The following PLCB4 variants were observed in gnomAD, a reference collection of about 807,000 sequenced individuals.
The protein encoded by PLCB4 is phospholipase C beta 4, also known as 1-phosphatidylinositol 4,5-bisphosphate phosphodiesterase beta-4.
PLCB4 carries 77 observed loss-of-function variants against 178.8 expected under a neutral mutation model. The observed-to-expected ratio is 0.43, with a 90% CI of 0.36 to 0.52. The LOEUF (loss-of-function observed/expected upper bound fraction) is 0.52. PLCB4 is among the 20% of genes least tolerant of loss of function. The pLI, the probability that PLCB4 is intolerant of heterozygous loss-of-function variation, is 0.00. For missense variants in PLCB4, 1,024 were observed against 1,453.4 expected (o/e 0.70, Z 4.80); for synonymous variants, 496 against 490.8 (o/e 1.01, Z -0.14).
chr20:9,352,218 C>G (rs943644000), intron 7 of PLCB4, among the ~76,000 whole-genome samples: 2 of 152,124 alleles, frequency 1.3e-5, no homozygotes, highest in Non-Finnish European at 2.9e-5. Context: ...CTTTCAGGCA[C>G]TAAAGAACAT....
chr20:9,417,855 T>C (rs553774532), intron 25 of PLCB4, among the ~76,000 whole-genome samples: 5 of 152,164 alleles, frequency 3.3e-5, no homozygotes, highest in African/African-American at 1.2e-4. Context: ...CACATCCTTG[T>C]CAACACTTAT....
At chr20:9,443,663 C>T (rs1250014779) in intron 30 of PLCB4, among the ~76,000 whole-genome samples, 2 of 152,090 alleles carry the variant, frequency 1.3e-5, no homozygotes, top group African/African-American at 2.4e-5. Context: ...GAAACACACC[C>T]TACCTTGTTC....
chr20:9,315,661 G>A (rs896259379), intron 4 of PLCB4, among the ~76,000 whole-genome samples: 8 of 152,086 alleles, frequency 5.3e-5, no homozygotes, highest in South Asian at 2.1e-4. Context: ...GGCCAGGTGC[G>A]GTGGCTCACA....
intron 32 of PLCB4, among the ~76,000 whole-genome samples, chr20:9,451,124 G>C (rs1369410896): frequency 2.6e-5 from 4 of 152,140 alleles, no homozygotes; most frequent in Admixed American, 6.6e-5. Context: ...CTTTGTACCA[G>C]GCTTTGTGCC....
At position 9,408,809 on chromosome 20, in the gene PLCB4, G is replaced by A. The variant is rs180890687; in HGVS notation, c.1874+92G>A. 1.8e-5 allele frequency: 13 copies of A among 741,480 alleles called. No homozygotes were observed. In the African/African-American group the frequency reaches 2.3e-4, roughly 13 times the overall value. The allele number at this position is 741,480 out of a possible 1,614,324, so 45.9% of individuals were successfully genotyped here. On this transcript the variant is annotated intron_variant, in intron 23 of 39. Transcript: ENST00000378473. ...GATAAATGGCTAATATCTCATTCTGGTGGTGGAGTTCATAAAATGATATGT... is the reference window on the plus strand; with the variant it reads ...GATAAATGGCTAATATCTCATTCTGATGGTGGAGTTCATAAAATGATATGT...
intron 2 of PLCB4, among the ~76,000 whole-genome samples, chr20:9,105,367 G>T (rs528545222): frequency 6.6e-6 from 1 of 152,168 alleles, no homozygotes; most frequent in South Asian, 2.1e-4. Flanking sequence ...GAGATTCTTT[G>T]TTCTTGGAAA....
intron 2 of PLCB4, among the ~76,000 whole-genome samples, chr20:9,132,702 A>T (rs773602332): frequency 3.3e-5 from 5 of 152,128 alleles, no homozygotes; most frequent in African/African-American, 1.2e-4. Context: ...GATGCCCACC[A>T]CTGCATTTCA....
At chr20:9,204,585 A>G (rs1278946373) in intron 2 of PLCB4, among the ~76,000 whole-genome samples, 2 of 151,038 alleles carry the variant, frequency 1.3e-5, no homozygotes, top group Admixed American at 6.6e-5. Context: ...CTGGTCTTGA[A>G]CTCCTGACCT....
At chr20:9,336,491 A>G (rs1413433536) in intron 4 of PLCB4, among the ~76,000 whole-genome samples, 2 of 152,148 alleles carry the variant, frequency 1.3e-5, no homozygotes, top group African/African-American at 4.8e-5. Context: ...CGAATCTTCT[A>G]GAGGGCTTGT....
intron 3 of PLCB4, among the ~76,000 whole-genome samples, chr20:9,298,193 C>G (rs1016757541): frequency 6.6e-6 from 1 of 152,044 alleles, no homozygotes; most frequent in African/African-American, 2.4e-5. Context: ...CAGTTCCCCC[C>G]AGTTCAAGAC....
At position 9,139,512 on chromosome 20, in the gene PLCB4, C is replaced by T. The variant is rs978218055; in HGVS notation, c.-79+43170C>T. 2.4e-4 allele frequency among the ~76,000 whole-genome samples: 36 copies of T among 152,012 alleles called. 1 individual carries two copies. On this transcript the variant is annotated intron_variant, in intron 2 of 39. Transcript: ENST00000378473. The stretch of plus-strand genomic sequence containing the variant: ...CTTTCCATGTGGCTTGGGCTTCTCA[C>T]AGTGAGGGAGCTGGCTTCCAAGAGG...
At chr20:9,121,183 C>G (rs1568788621) in intron 2 of PLCB4, among the ~76,000 whole-genome samples, 1 of 152,200 alleles carries the variant, frequency 6.6e-6, no homozygotes, top group African/African-American at 2.4e-5. Flanking sequence ...GTGGCCACCA[C>G]AGTACCCAGA....
intron 4 of PLCB4, among the ~76,000 whole-genome samples, chr20:9,331,670 G>T (rs1389899980): frequency 6.6e-6 from 1 of 152,200 alleles, no homozygotes; most frequent in African/African-American, 2.4e-5. Flanking sequence ...AATGTTAGTT[G>T]ATTTGAAAGT....
At chr20:9,166,198 A>G (rs1347074802) in intron 2 of PLCB4, among the ~76,000 whole-genome samples, 1 of 151,990 alleles carries the variant, frequency 6.6e-6, no homozygotes, top group South Asian at 2.1e-4. Context: ...AGACTTCAGT[A>G]TAGAAAAAAC....
chr20:9,404,409 A>G (rs1056034966), intron 20 of PLCB4, among the ~76,000 whole-genome samples: 2 of 152,146 alleles, frequency 1.3e-5, no homozygotes, highest in African/African-American at 4.8e-5. Flanking sequence ...TACTCTGAGA[A>G]TATTGAACAT....
At chr20:9,255,208 G>A (rs1380139641) in intron 3 of PLCB4, among the ~76,000 whole-genome samples, 1 of 152,090 alleles carries the variant, frequency 6.6e-6, no homozygotes, top group Admixed American at 6.6e-5. Context: ...TAATACTTTT[G>A]TTTCATTTGA....
chr20:9,340,919 A>G (rs1157328499), intron 7 of PLCB4, among the ~76,000 whole-genome samples: 1 of 152,134 alleles, frequency 6.6e-6, no homozygotes, highest in Non-Finnish European at 1.5e-5. Flanking sequence ...TATTAGGATG[A>G]CAGAGGCCAA....
At chr20:9,349,610 C>T (rs796431747) in intron 7 of PLCB4, among the ~76,000 whole-genome samples, 25 of 152,260 alleles carry the variant, frequency 1.6e-4, no homozygotes, top group African/African-American at 5.5e-4. Flanking sequence ...CTCACCACTG[C>T]ATTTCATGAA....
At chr20:9,103,685 G>A (rs1407808346) in intron 2 of PLCB4, among the ~76,000 whole-genome samples, 1 of 152,078 alleles carries the variant, frequency 6.6e-6, no homozygotes, top group East Asian at 1.9e-4. Flanking sequence ...TTAAATCCCC[G>A]AAGGTTGTCT....
Sources: allele counts gnomAD v4.1 joint callset (sites outside exome capture counted in the v4.1 genomes callset), GRCh38; gene constraint gnomAD v4.1.1; transcripts MANE v1.5; gene names NCBI Gene and HGNC (gene_info 2026-07-23, HGNC 2026-07-21).